CASK: variants seen among roughly 807,000 people sequenced by gnomAD.
CASK encodes the protein peripheral plasma membrane protein CASK.
In CASK, 4 loss-of-function variants were observed where a neutral mutation model predicts 82.9. The ratio of observed to expected loss-of-function variants is 0.05; its 90% CI spans 0.02 to 0.11. The LOEUF (loss-of-function observed/expected upper bound fraction) is 0.11. CASK is among the 10% of genes least tolerant of loss of function. The pLI, the probability that CASK is intolerant of heterozygous loss-of-function variation, is 1.00. For synonymous variants in CASK, 259 were observed against 253.5 expected (o/e 1.02, Z -0.20); for missense variants, 358 against 720.9 (o/e 0.50, Z 5.76).
intron 2 of CASK, among the ~76,000 whole-genome samples, chrX:41,790,500 G>A (rs2069692557): frequency 9.0e-6 from 1 of 111,557 alleles, no homozygotes; most frequent in African/African-American, 3.3e-5. Flanking sequence ...TTTTGATTTG[G>A]TAAATGGCTG....
intron 8 of CASK, among the ~76,000 whole-genome samples, chrX:41,659,372 C>T (rs1039284582): frequency 3.6e-5 from 4 of 110,010 alleles, no homozygotes; most frequent in Non-Finnish European, 5.7e-5. Context: ...GGGCTACAGG[C>T]GCCCGCCACC....
At chrX:41,854,216 GGGCGCGCGCACA>G (rs2071324094) in intron 1 of CASK, among the ~76,000 whole-genome samples, 1 of 62,668 alleles carries the variant, frequency 1.6e-5, no homozygotes, top group African/African-American at 5.0e-5. Context: ...GCGCGCGCGC[GGGCGCGCGCACA>G]CACACACACA....
chrX:41,742,815 TTC>T (rs1325356157), intron 4 of CASK, among the ~76,000 whole-genome samples: 2 of 111,654 alleles, frequency 1.8e-5, no homozygotes, highest in African/African-American at 6.5e-5. Flanking sequence ...TAATAATACT[TTC>T]TGAGTCCCCG....
chrX:41,747,432 G>A (rs766989868), intron 3 of CASK, among the ~76,000 whole-genome samples: 30 of 110,851 alleles, frequency 2.7e-4, no homozygotes, highest in Non-Finnish European at 5.7e-4. Flanking sequence ...TAGGACAAGG[G>A]GTATATACAA....
intron 8 of CASK, among the ~76,000 whole-genome samples, chrX:41,650,447 G>GT (rs2066847027): frequency 6.1e-5 from 6 of 98,887 alleles, no homozygotes; most frequent in African/African-American, 2.4e-4. Flanking sequence ...TGGTTTTTGT[G>GT]GTTTTTTTTT....
chrX:41,520,342 C>T lies in CASK; in HGVS notation c.*78G>A. 3.8e-6 allele frequency: 3 copies of T among 796,774 alleles called. No individual in the cohort carries two copies. Among genetic ancestry groups the T allele is most frequent in the South Asian group, 2.3e-5 (1 of 43,950 alleles). 65.7% of individuals were successfully genotyped at this position (796,774 alleles called of 1,213,427 possible). ...GGTAGTCTCTAGGGACCATGACCTG[C>T]TGACACAAGGCCGATAACAAAGAGG... On this transcript the variant is annotated 3_prime_UTR_variant, in exon 27 of 27. Coordinates refer to ENST00000378163, the MANE Select transcript of CASK (RefSeq NM_001367721.1).
chrX:41,834,442 G>A (rs5964058), intron 2 of CASK, among the ~76,000 whole-genome samples: 121 of 111,943 alleles, frequency 1.1e-3, no homozygotes, highest in African/African-American at 3.7e-3. Context: ...AAAACTATTC[G>A]TGATTGATAT....
intron 3 of CASK, among the ~76,000 whole-genome samples, chrX:41,758,604 G>A (rs1357599972): frequency 9.0e-6 from 1 of 111,052 alleles, no homozygotes; most frequent in Non-Finnish European, 1.9e-5. Context: ...GAACAATAAG[G>A]CCTGGAGCAC....
chrX:41,771,014 GAAT>G (rs1396469070), intron 3 of CASK, among the ~76,000 whole-genome samples: 1 of 112,264 alleles, frequency 8.9e-6, no homozygotes, highest in Non-Finnish European at 1.9e-5. Flanking sequence ...CTAAAACCAT[GAAT>G]AATATCAATA....
intron 2 of CASK, among the ~76,000 whole-genome samples, chrX:41,839,521 T>C (rs1268103823): frequency 9.2e-6 from 1 of 108,676 alleles, no homozygotes; most frequent in African/African-American, 3.4e-5. Flanking sequence ...ACTCACTAGT[T>C]CTAGGAGTCT....
intron 8 of CASK, among the ~76,000 whole-genome samples, chrX:41,651,561 T>C (rs1471548865): frequency 9.0e-6 from 1 of 111,377 alleles, no homozygotes; most frequent in Admixed American, 9.5e-5. Flanking sequence ...TGGCTAATTT[T>C]TTAATTTTTA....
intron 12 of CASK, among the ~76,000 whole-genome samples, chrX:41,598,777 G>A (rs991969730): frequency 7.2e-5 from 8 of 111,475 alleles, no homozygotes; most frequent in African/African-American, 2.6e-4. Flanking sequence ...CTTTTTTGAC[G>A]TGCAAAGAAT....
intron 5 of CASK, among the ~76,000 whole-genome samples, chrX:41,682,283 T>C (rs935623090): frequency 1.8e-5 from 2 of 109,929 alleles, no homozygotes; most frequent in Non-Finnish European, 3.8e-5. Flanking sequence ...TCAGGTGTGG[T>C]GGCTCATGCC....
intron 5 of CASK, among the ~76,000 whole-genome samples, chrX:41,730,367 CCACACA>C (rs751043526): frequency 2.7e-5 from 3 of 109,566 alleles, no homozygotes; most frequent in East Asian, 5.7e-4. Flanking sequence ...AAACAAAAAA[CCACACA>C]CACACACACA....
At chrX:41,650,198 CTT>C (rs1345304123) in intron 8 of CASK, among the ~76,000 whole-genome samples, 1 of 111,533 alleles carries the variant, frequency 9.0e-6, no homozygotes, top group Non-Finnish European at 1.9e-5. Context: ...GGTCTTGACT[CTT>C]TATCCAATTT....
intron 1 of CASK, among the ~76,000 whole-genome samples, chrX:41,896,532 CAAG>C (rs770838080): frequency 1.8e-4 from 20 of 112,067 alleles, no homozygotes; most frequent in Non-Finnish European, 2.5e-4. Flanking sequence ...AAGCTATATA[CAAG>C]AAGAGAGAAC....
intron 12 of CASK, among the ~76,000 whole-genome samples, chrX:41,608,856 C>T (rs1287657319): frequency 8.9e-6 from 1 of 111,736 alleles, no homozygotes; most frequent in African/African-American, 3.2e-5. Context: ...TTTCTCTCTC[C>T]TATACTCATG....
At chrX:41,643,763 A>C (rs1162857217) in intron 8 of CASK, among the ~76,000 whole-genome samples, 13 of 111,633 alleles carry the variant, frequency 1.2e-4, no homozygotes, top group Non-Finnish European at 1.3e-4. Flanking sequence ...AATACCTTTT[A>C]TTTCTTTCTC....
intron 2 of CASK, among the ~76,000 whole-genome samples, chrX:41,815,377 T>C (rs1358127458): frequency 3.6e-5 from 4 of 111,087 alleles, no homozygotes; most frequent in South Asian, 3.7e-4. Context: ...TCAATACAAA[T>C]AGACCTATAA....
Sources: gnomAD v4.1 joint callset for allele counts (sites outside exome capture counted in the v4.1 genomes callset) on GRCh38, gnomAD v4.1.1 for gene constraint, MANE v1.5 for transcripts, NCBI Gene and HGNC (gene_info 2026-07-23, HGNC 2026-07-21) for gene names.